ACVR1C: variants seen among roughly 807,000 people sequenced by gnomAD.
ACVR1C encodes the protein activin receptor type-1C.
ACVR1C carries 23 observed loss-of-function variants against 57.9 expected under a neutral mutation model. The ratio of observed to expected loss-of-function variants is 0.40; its 90% CI spans 0.29 to 0.56. The LOEUF (loss-of-function observed/expected upper bound fraction) is 0.56. ACVR1C is among the 20% of genes least tolerant of loss of function. The pLI is 0.50. For missense variants in ACVR1C, 480 were observed against 607.9 expected (o/e 0.79, Z 2.21); for synonymous variants, 214 against 215.3 (o/e 0.99, Z 0.05).
At chr2:157,602,858 C>T (rs1386055132) in intron 1 of ACVR1C, among the ~76,000 whole-genome samples, 1 of 152,048 alleles carries the variant, frequency 6.6e-6, no homozygotes, top group African/African-American at 2.4e-5. Context: ...CAACACTTTT[C>T]CCTAATTTCC....
intron 2 of ACVR1C, among the ~76,000 whole-genome samples, chr2:157,577,887 G>GTTTTT (rs1688702280): frequency 6.6e-6 from 1 of 151,108 alleles, no homozygotes; most frequent in Non-Finnish European, 1.5e-5. Flanking sequence ...TTTTGTTTTT[G>GTTTTT]TTTTTGTTTT....
intron 1 of ACVR1C, among the ~76,000 whole-genome samples, chr2:157,608,870 TTAGTC>T (rs1327787456): frequency 1.3e-5 from 2 of 151,952 alleles, no homozygotes; most frequent in Non-Finnish European, 2.9e-5. Context: ...CTCTTTTTTC[TTAGTC>T]TAGTTAACAG....
chr2:157,588,390 G>A (rs1488518179), intron 1 of ACVR1C, among the ~76,000 whole-genome samples: 1 of 151,794 alleles, frequency 6.6e-6, no homozygotes, highest in African/African-American at 2.4e-5. Context: ...TAAATATATT[G>A]TTTCTAAATA....
At chr2:157,605,020 T>C (rs946266730) in intron 1 of ACVR1C, among the ~76,000 whole-genome samples, 1 of 151,854 alleles carries the variant, frequency 6.6e-6, no homozygotes, top group Non-Finnish European at 1.5e-5. Context: ...TAGAAGTTTT[T>C]ATAGTTTTAG....
intron 1 of ACVR1C, among the ~76,000 whole-genome samples, chr2:157,612,253 C>A (rs1054982891): frequency 6.6e-6 from 1 of 152,136 alleles, no homozygotes; most frequent in Non-Finnish European, 1.5e-5. Context: ...AGGGACCCTG[C>A]CCTCCTTGCA....
At position 157,556,321 on chromosome 2, in the gene ACVR1C, C is replaced by T; in HGVS notation, c.316G>A (p.Ala106Thr). ...TLHLPTASPNAPKLGPMELAI... is the reference protein window; with the variant it reads ...TLHLPTASPNTPKLGPMELAI... Reference sequence around the variant, plus strand: ...AGCTCCATGGGTCCAAGTTTTGGGGCATTTGGTGATGCTACAGTTTAAAGA... The same window carrying T: ...AGCTCCATGGGTCCAAGTTTTGGGGTATTTGGTGATGCTACAGTTTAAAGA... Residue 106 changes from alanine (A) to threonine (T), a missense_variant, in exon 3 of 9, where the codon GCC becomes ACC. Ala to Thr is a moderately conservative substitution (Grantham distance 58). Transcript: ENST00000243349. 6.2e-7 allele frequency: 1 copy of T among 1,613,938 alleles called. No individual in the cohort carries two copies. Among genetic ancestry groups the T allele is most frequent in the Non-Finnish European group, 8.5e-7 (1 of 1,179,906 alleles).
intron 2 of ACVR1C, among the ~76,000 whole-genome samples, chr2:157,566,733 G>T (rs1259668935): frequency 6.6e-6 from 1 of 151,706 alleles, no homozygotes; most frequent in Admixed American, 6.6e-5. Flanking sequence ...CTCGCTGATT[G>T]CTAGCACAGC....
intron 4 of ACVR1C, among the ~76,000 whole-genome samples, chr2:157,544,861 ACTGAACAAC>A (rs1687712583): frequency 6.6e-6 from 1 of 152,210 alleles, no homozygotes; most frequent in South Asian, 2.1e-4. Flanking sequence ...GATTCTAACA[ACTGAACAAC>A]TCCTTTCTTA....
Position 157,601,652 on chromosome 2 carries a change from T to C in ACVR1C, c.74-14235A>G, listed in dbSNP as rs564094502. On this transcript the variant is annotated intron_variant, in intron 1 of 8. Coordinates refer to ENST00000243349, the MANE Select transcript of ACVR1C (RefSeq NM_145259.3). Reference sequence around the variant, plus strand: ...AACAAACGAAAACCTTGTTTGTAGCTGCGTCTGAGTTTAACATTGTTGGAA... The same window carrying C: ...AACAAACGAAAACCTTGTTTGTAGCCGCGTCTGAGTTTAACATTGTTGGAA... 1.6e-4 allele frequency among the ~76,000 whole-genome samples: 25 copies of C among 152,290 alleles called. 1 individual carries two copies. The South Asian group carries it at 5.2e-3, about 32-fold the overall frequency.
intron 4 of ACVR1C, among the ~76,000 whole-genome samples, chr2:157,549,378 A>C (rs1224469052): frequency 6.6e-6 from 1 of 152,056 alleles, no homozygotes; most frequent in Admixed American, 6.6e-5. Flanking sequence ...AAAACAAACA[A>C]AAAGTTCCAA....
At chr2:157,550,473 A>T (rs1438155441) in intron 3 of ACVR1C, 81 bp from the exon 4 acceptor site, 1 of 1,298,166 alleles carries the variant, frequency 7.7e-7, no homozygotes, top group Non-Finnish European at 1.1e-6. Context: ...TTCAGATTTT[A>T]AAAAAGCAAA....
At chr2:157,564,539 C>T (rs1013830949) in intron 2 of ACVR1C, among the ~76,000 whole-genome samples, 14 of 152,186 alleles carry the variant, frequency 9.2e-5, no homozygotes, top group South Asian at 4.1e-4. Flanking sequence ...CTGTAGAAGA[C>T]GGTGTGGCAA....
chr2:157,610,057 G>A (rs1034437637), intron 1 of ACVR1C, among the ~76,000 whole-genome samples: 1 of 151,818 alleles, frequency 6.6e-6, no homozygotes, highest in Non-Finnish European at 1.5e-5. Flanking sequence ...CTTAATATTT[G>A]TCCTTGTGGT....
At chr2:157,537,377 G>A (rs868606461) in intron 8 of ACVR1C, among the ~76,000 whole-genome samples, 31 of 151,632 alleles carry the variant, frequency 2.0e-4, no homozygotes, top group South Asian at 4.2e-4. Flanking sequence ...ATATTGTTTC[G>A]TGTACATAAA....
At chr2:157,599,071 A>G (rs1324319143) in intron 1 of ACVR1C, among the ~76,000 whole-genome samples, 2 of 152,040 alleles carry the variant, frequency 1.3e-5, no homozygotes, top group East Asian at 3.9e-4. Flanking sequence ...GCGGTGGCTC[A>G]GGCCTGTAAT....
Position 157,529,685 on chromosome 2 carries a change from C to T in ACVR1C, c.*4233G>A, listed in dbSNP as rs569620255. 17 of 151,214 alleles carry T rather than the reference C, an allele frequency of 1.1e-4. No homozygotes were observed. Among genetic ancestry groups the T allele is most frequent in the South Asian group, 8.3e-4 (4 of 4,800 alleles). 9.4% of individuals were successfully genotyped at this position (151,214 alleles called of 1,614,324 possible). A position where few individuals can be genotyped will look rare whatever the true frequency, so the allele number is the denominator to read the frequency against. On this transcript the variant is annotated 3_prime_UTR_variant, in exon 9 of 9. Coordinates refer to ENST00000243349, the MANE Select transcript of ACVR1C (RefSeq NM_145259.3). ...TTTCATTAGAAGGCTAAATTCCAGA[C>T]GGTTAAGTTAAATAAGAGTTATTTT...
chr2:157,619,844 A>G (rs890892809), intron 1 of ACVR1C, among the ~76,000 whole-genome samples: 8 of 152,082 alleles, frequency 5.3e-5, no homozygotes, highest in Non-Finnish European at 1.0e-4. Flanking sequence ...ACCTCCGGCT[A>G]GACTGATCAT....
intron 6 of ACVR1C, 121 bp from the exon 7 acceptor site, chr2:157,541,335 A>G: frequency 2.1e-6 from 2 of 953,106 alleles, no homozygotes; most frequent in South Asian, 4.5e-5. Context: ...ACTATAATAG[A>G]ATAAAATTAA....
intron 1 of ACVR1C, among the ~76,000 whole-genome samples, chr2:157,620,318 A>G (rs1187362202): frequency 3.3e-5 from 5 of 152,080 alleles, no homozygotes; most frequent in Admixed American, 1.3e-4. Flanking sequence ...TGAGAACACA[A>G]TCTCACCATG....
Sources: allele counts gnomAD v4.1 joint callset (sites outside exome capture counted in the v4.1 genomes callset), GRCh38; gene constraint gnomAD v4.1.1; transcripts MANE v1.5; gene names NCBI Gene and HGNC (gene_info 2026-07-23, HGNC 2026-07-21).